The following TAOK1 variants were observed in gnomAD, a reference collection of about 807,000 sequenced individuals.
The protein encoded by TAOK1 is serine/threonine-protein kinase TAO1.
A neutral mutation model predicts 138.3 loss-of-function variants in TAOK1; 21 were observed. The ratio of observed to expected loss-of-function variants is 0.15; its 90% CI spans 0.11 to 0.22. The LOEUF (loss-of-function observed/expected upper bound fraction) is 0.22, where lower values mean the gene tolerates loss of function less well. Among genes scored for constraint, TAOK1 ranks in the 10% least tolerant of loss-of-function variants. The pLI, the probability that TAOK1 is intolerant of heterozygous loss-of-function variation, is 1.00. For synonymous variants in TAOK1, 361 were observed against 398.4 expected (o/e 0.91, Z 1.12); for missense variants, 651 against 1,227.7 (o/e 0.53, Z 7.02).
At chr17:29,410,217 G>GT (rs1269886099) in intron 1 of TAOK1, among the ~76,000 whole-genome samples, 1 of 152,116 alleles carries the variant, frequency 6.6e-6, no homozygotes, top group Admixed American at 6.6e-5. Context: ...AGTGTTAAAA[G>GT]GATTAGATGC....
intron 17 of TAOK1, among the ~76,000 whole-genome samples, chr17:29,526,819 TAAAAAAAAAA>T (rs71138830): frequency 3.7e-4 from 19 of 50,954 alleles, no homozygotes; most frequent in Admixed American, 3.4e-3. Context: ...TCTCATCTCT[TAAAAAAAAAA>T]AAAAAAAAAA....
rs759310874 is a variant in TAOK1, at chr17:29,534,277, C to T, written c.2521C>T (p.Arg841Trp). ...LRELEQRVSL[R>W]RALLEQKIEE... ...CGAGCTTGAACAGAGGGTCTCCCTC[C>T]GGAGGGCACTCTTAGAACAAAAGGT... Residue 841 changes from arginine to tryptophan, a missense_variant, in exon 19 of 20, where the codon CGG becomes TGG. Transcript: ENST00000261716. 7.5e-6 allele frequency: 12 copies of T among 1,603,892 alleles called. No homozygotes were observed. The highest frequency in any genetic ancestry group is 2.7e-5 in the African/African-American group (2 of 74,438).
At chr17:29,394,910 C>A (rs536058325) in intron 1 of TAOK1, among the ~76,000 whole-genome samples, 2 of 149,980 alleles carry the variant, frequency 1.3e-5, no homozygotes, top group Non-Finnish European at 3.0e-5. Flanking sequence ...GCCTGGGCAA[C>A]ATAGCATGAC....
chr17:29,459,337 T>G (rs2030475605), intron 2 of TAOK1, among the ~76,000 whole-genome samples: 1 of 152,162 alleles, frequency 6.6e-6, no homozygotes, highest in Non-Finnish European at 1.5e-5. Context: ...TTTACATATA[T>G]TGCCTGCTTT....
At chr17:29,499,984 A>T (rs1247689911) in intron 12 of TAOK1, among the ~76,000 whole-genome samples, 1 of 152,170 alleles carries the variant, frequency 6.6e-6, no homozygotes. Flanking sequence ...CTTCTGAAAA[A>T]TACTGGAAAG....
At chr17:29,521,186 G>A (rs147378738) in intron 16 of TAOK1, among the ~76,000 whole-genome samples, 1 of 152,200 alleles carries the variant, frequency 6.6e-6, no homozygotes, top group African/African-American at 2.4e-5. Context: ...ACTTGGGGAA[G>A]GTTGAGAAGC....
intron 2 of TAOK1, 98 bp downstream of exon 2, chr17:29,451,778 C>T (rs1358953619): frequency 7.2e-7 from 1 of 1,384,022 alleles, no homozygotes. Flanking sequence ...AGGCCATAGT[C>T]ATTTTATAGT....
intron 2 of TAOK1, among the ~76,000 whole-genome samples, chr17:29,463,608 C>T (rs1276317291): frequency 1.3e-5 from 2 of 151,116 alleles, no homozygotes; most frequent in Non-Finnish European, 2.9e-5. Flanking sequence ...AGATGAGAGA[C>T]GTAAGTTTAA....
chr17:29,472,701 A>G (rs1278218600), intron 3 of TAOK1, among the ~76,000 whole-genome samples: 1 of 151,568 alleles, frequency 6.6e-6, no homozygotes, highest in Non-Finnish European at 1.5e-5. Flanking sequence ...CAGCCTCCCA[A>G]GTAGCTGGGA....
intron 18 of TAOK1, 91 bp from the exon 19 acceptor site, chr17:29,534,020 GTCTGTCT>G: frequency 7.7e-7 from 1 of 1,290,552 alleles, no homozygotes. Context: ...AAAAAGAGTA[GTCTGTCT>G]TCTAACACTC....
At chr17:29,458,585 C>T (rs1219020428) in intron 2 of TAOK1, among the ~76,000 whole-genome samples, 1 of 152,250 alleles carries the variant, frequency 6.6e-6, no homozygotes, top group African/African-American at 2.4e-5. Context: ...GCAACCTCTG[C>T]CTCTGGGTTC....
chr17:29,522,146 T>C (rs2031931935), intron 16 of TAOK1, 134 bp from the exon 17 acceptor site: 1 of 1,186,114 alleles, frequency 8.4e-7, no homozygotes, highest in African/African-American at 1.5e-5. Flanking sequence ...GTCACAACCC[T>C]CTTATTTACT....
At chr17:29,510,224 A>G (rs562240036) in intron 14 of TAOK1, among the ~76,000 whole-genome samples, 161 of 152,114 alleles carry the variant, frequency 1.1e-3, no homozygotes, top group Non-Finnish European at 2.0e-3. Context: ...TAAAAATACA[A>G]AAATTAGCCA....
intron 1 of TAOK1, among the ~76,000 whole-genome samples, chr17:29,397,159 G>A (rs1237468030): frequency 1.3e-5 from 2 of 151,792 alleles, no homozygotes; most frequent in Non-Finnish European, 2.9e-5. Flanking sequence ...GCCGGGCGTG[G>A]TGGCACTTGT....
intron 1 of TAOK1, among the ~76,000 whole-genome samples, chr17:29,436,281 AT>A (rs1260190824): frequency 6.6e-6 from 1 of 152,238 alleles, no homozygotes; most frequent in East Asian, 1.9e-4. Context: ...TTACTCAATT[AT>A]TAAAGGCCGT....
chr17:29,542,979 T>A lies in TAOK1; in HGVS notation c.2963T>A (p.Val988Asp). 1 of 1,609,004 alleles carries A rather than the reference T, an allele frequency of 6.2e-7. No homozygotes were observed. The highest frequency in any genetic ancestry group is 8.5e-7 in the Non-Finnish European group (1 of 1,176,956). The stretch of plus-strand genomic sequence containing the variant: ...CAGGGCATGAGCAGAAGCACGAGTG[T>A]CACTTCACAAATATCCAATGGGTCA... ...TEQGMSRSTS[V>D]TSQISNGSHM... Residue 988 changes from valine (V) to aspartate (D), a missense_variant, in exon 20 of 20, where the codon GTC becomes GAC. Val to Asp is a radical substitution (Grantham distance 152). Around this residue, in one of 8 missense-constraint regions of TAOK1, gnomAD observed 108 missense variants for 120.3 expected, o/e 0.90. Coordinates refer to ENST00000261716, the MANE Select transcript of TAOK1 (RefSeq NM_020791.4).
chr17:29,535,196 A>C (rs1381448609), intron 19 of TAOK1, among the ~76,000 whole-genome samples: 5 of 152,078 alleles, frequency 3.3e-5, no homozygotes, highest in African/African-American at 1.2e-4. Context: ...CTGTGGTCCC[A>C]GCTACTTGGG....
intron 1 of TAOK1, among the ~76,000 whole-genome samples, chr17:29,413,900 T>G (rs1466217426): frequency 6.7e-6 from 1 of 149,026 alleles, no homozygotes; most frequent in Non-Finnish European, 1.5e-5. Flanking sequence ...TTTTTTTTTT[T>G]TTGAGATGGA....
intron 1 of TAOK1, among the ~76,000 whole-genome samples, chr17:29,436,485 A>G (rs556588769): frequency 7.5e-4 from 114 of 152,334 alleles, no homozygotes; most frequent in Non-Finnish European, 1.4e-3. Flanking sequence ...AATGTTAACA[A>G]TCTCCAAAGT....
Sources: gnomAD v4.1 joint callset for allele counts (sites outside exome capture counted in the v4.1 genomes callset) on GRCh38, gnomAD v4.1.1 for gene constraint, gnomAD v4.1.1 regional missense constraint, MANE v1.5 for transcripts, NCBI Gene and HGNC (gene_info 2026-07-23, HGNC 2026-07-21) for gene names.